Variants in PRKG1 observed in about 807,000 individuals in gnomAD.
PRKG1 encodes the protein cGMP-dependent protein kinase 1.
In PRKG1, 35 loss-of-function variants were observed where a neutral mutation model predicts 88.1. The ratio of observed to expected loss-of-function variants is 0.40; its 90% CI spans 0.30 to 0.53. The LOEUF (loss-of-function observed/expected upper bound fraction) is 0.53, where lower values mean the gene tolerates loss of function less well. Ranked by LOEUF, PRKG1 falls within the 20% of genes least tolerant of loss-of-function variation. The probability of loss-of-function intolerance (pLI) is 0.59; values close to 1 mark genes in which losing one functional copy is unlikely to be tolerated. For synonymous variants in PRKG1, 303 were observed against 292.5 expected (o/e 1.04, Z -0.37); for missense variants, 540 against 839.8 (o/e 0.64, Z 4.41).
chr10:51,237,552 C>T (rs899346528), intron 2 of PRKG1, among the ~76,000 whole-genome samples: 4 of 152,156 alleles, frequency 2.6e-5, no homozygotes, highest in Non-Finnish European at 5.9e-5. Flanking sequence ...CTATGTGTCC[C>T]AGATGACATA....
At chr10:51,277,000 C>T (rs956692584) in intron 2 of PRKG1, among the ~76,000 whole-genome samples, 3 of 152,096 alleles carry the variant, frequency 2.0e-5, no homozygotes, top group Non-Finnish European at 4.4e-5. Context: ...CTTTTGTTGC[C>T]ATTGCTTTTG....
chr10:51,346,912 C>T (rs1842125397), intron 2 of PRKG1, among the ~76,000 whole-genome samples: 1 of 152,154 alleles, frequency 6.6e-6, no homozygotes, highest in Non-Finnish European at 1.5e-5. Context: ...AACCGCTTCA[C>T]TCAAACCTTA....
chr10:51,207,646 C>T (rs867445584), intron 2 of PRKG1, among the ~76,000 whole-genome samples: 2 of 152,048 alleles, frequency 1.3e-5, no homozygotes, highest in African/African-American at 4.8e-5. Flanking sequence ...CAATATACTG[C>T]CCCCATTTCC....
chr10:51,882,873 G>A (rs1298927048), intron 4 of PRKG1, among the ~76,000 whole-genome samples: 12 of 152,280 alleles, frequency 7.9e-5, no homozygotes, highest in South Asian at 2.1e-4. Flanking sequence ...AGCTTGAGCC[G>A]TTGTTCTCAG....
intron 5 of PRKG1, among the ~76,000 whole-genome samples, chr10:51,958,576 A>T (rs1843370697): frequency 7.6e-6 from 1 of 131,000 alleles, no homozygotes; most frequent in South Asian, 2.5e-4. Context: ...TTGGACGTCT[A>T]CAGAGTATTT....
At chr10:51,484,279 G>T (rs755678659) in intron 3 of PRKG1, among the ~76,000 whole-genome samples, 2 of 152,016 alleles carry the variant, frequency 1.3e-5, no homozygotes, top group Non-Finnish European at 2.9e-5. Flanking sequence ...CAGTTTCCGC[G>T]TAATAAAAGC....
At chr10:51,830,114 T>C (rs976486065) in intron 4 of PRKG1, among the ~76,000 whole-genome samples, 1 of 152,168 alleles carries the variant, frequency 6.6e-6, no homozygotes, top group African/African-American at 2.4e-5. Flanking sequence ...GTGGATTTGA[T>C]ATGTTCTATA....
intron 3 of PRKG1, among the ~76,000 whole-genome samples, chr10:51,588,693 A>G (rs983319780): frequency 2.6e-5 from 4 of 152,236 alleles, no homozygotes; most frequent in Admixed American, 2.6e-4. Flanking sequence ...AAACCAATCT[A>G]TGACTAGAAA....
intron 1 of PRKG1, among the ~76,000 whole-genome samples, chr10:50,995,150 A>G (rs1472020701): frequency 6.6e-6 from 1 of 152,260 alleles, no homozygotes; most frequent in African/African-American, 2.4e-5. Flanking sequence ...ATGAATGATT[A>G]CAATCTTAAA....
intron 9 of PRKG1, among the ~76,000 whole-genome samples, chr10:52,171,474 A>T (rs117593103): frequency 6.6e-6 from 1 of 152,154 alleles, no homozygotes; most frequent in Non-Finnish European, 1.5e-5. Flanking sequence ...ATTTTATTGC[A>T]GGGCAAAATA....
At chr10:51,911,601 T>G (rs1245109086) in intron 5 of PRKG1, among the ~76,000 whole-genome samples, 1 of 152,168 alleles carries the variant, frequency 6.6e-6, no homozygotes, top group South Asian at 2.1e-4. Context: ...GTTTTCAGGA[T>G]GTAAAAATGA....
intron 5 of PRKG1, among the ~76,000 whole-genome samples, chr10:51,951,266 T>C (rs960779271): frequency 1.1e-4 from 16 of 152,162 alleles, no homozygotes; most frequent in African/African-American, 3.9e-4. Context: ...AGCAGCATCT[T>C]ATTAGAAAAG....
intron 2 of PRKG1, among the ~76,000 whole-genome samples, chr10:51,403,297 T>C (rs1837809768): frequency 6.6e-6 from 1 of 152,190 alleles, no homozygotes; most frequent in Non-Finnish European, 1.5e-5. Context: ...ATGTTAATGC[T>C]CTTATTTTGA....
At chr10:51,735,838 G>A (rs903326245) in intron 3 of PRKG1, among the ~76,000 whole-genome samples, 4 of 142,312 alleles carry the variant, frequency 2.8e-5, no homozygotes, top group Non-Finnish European at 3.0e-5. Context: ...TGGATATGGG[G>A]CAGGGGGCCT....
At chr10:51,947,076 C>G (rs1240934039) in intron 5 of PRKG1, among the ~76,000 whole-genome samples, 1 of 152,074 alleles carries the variant, frequency 6.6e-6, no homozygotes, top group African/African-American at 2.4e-5. Context: ...GTGGAGCCTA[C>G]AGAGGCAGGC....
At chr10:51,714,164 A>G (rs978184358) in intron 3 of PRKG1, among the ~76,000 whole-genome samples, 12 of 152,084 alleles carry the variant, frequency 7.9e-5, no homozygotes, top group Admixed American at 7.2e-4. Flanking sequence ...TATTTTTAGT[A>G]GAGACGGGGT....
At chr10:51,400,791 G>A (rs1206122102) in intron 2 of PRKG1, among the ~76,000 whole-genome samples, 1 of 152,142 alleles carries the variant, frequency 6.6e-6, no homozygotes, top group Non-Finnish European at 1.5e-5. Flanking sequence ...GCGTGTATTA[G>A]GAGAACTGGT....
intron 9 of PRKG1, among the ~76,000 whole-genome samples, chr10:52,213,391 A>G (rs1840032730): frequency 6.6e-6 from 1 of 152,174 alleles, no homozygotes; most frequent in Non-Finnish European, 1.5e-5. Flanking sequence ...TTATGACACT[A>G]TGTCCTAACA....
intron 5 of PRKG1, among the ~76,000 whole-genome samples, chr10:52,048,976 G>T (rs950803125): frequency 1.3e-5 from 2 of 152,070 alleles, no homozygotes; most frequent in African/African-American, 4.8e-5. Context: ...AGACCTCCAG[G>T]TAACGGGGGG....
Sources: allele counts gnomAD v4.1 joint callset (sites outside exome capture counted in the v4.1 genomes callset), GRCh38; gene constraint gnomAD v4.1.1; transcripts MANE v1.5; gene names NCBI Gene and HGNC (gene_info 2026-07-23, HGNC 2026-07-21).